Variants in MLF1 observed in about 807,000 individuals in gnomAD.
MLF1 encodes the protein myelodysplasia-myeloid leukemia factor 1.
A neutral mutation model predicts 38.3 loss-of-function variants in MLF1; 37 were observed. The observed-to-expected ratio is 0.96, with a 90% confidence interval of 0.74 to 1.27. MLF1 has a LOEUF of 1.27. Among genes scored for constraint, MLF1 ranks in the 50% most tolerant of loss-of-function variants. The pLI, the probability that MLF1 is intolerant of heterozygous loss-of-function variation, is 0.00. For synonymous variants in MLF1, 95 were observed against 106.5 expected (o/e 0.89, Z 0.66); for missense variants, 331 against 349.2 (o/e 0.95, Z 0.42).
intron 7 of MLF1, 49 bp from the exon 8 acceptor site, chr3:158,605,048 C>T: frequency 7.5e-7 from 1 of 1,325,186 alleles, no homozygotes; most frequent in Non-Finnish European, 1.1e-6. Flanking sequence ...ATTTATAAAC[C>T]ATTGGCCATT....
chr3:158,573,633 C>G (rs1248603056), intron 1 of MLF1, among the ~76,000 whole-genome samples: 2 of 152,036 alleles, frequency 1.3e-5, no homozygotes, highest in Non-Finnish European at 2.9e-5. Context: ...ATTTGTAATA[C>G]TTTTTAGCCT....
At chr3:158,597,015 C>A in intron 4 of MLF1, 70 bp downstream of exon 4, 1 of 1,012,968 alleles carries the variant, frequency 9.9e-7, no homozygotes, top group Non-Finnish European at 1.5e-6. Flanking sequence ...TAGTGGCTTT[C>A]AAACACTTTT....
In MLF1 at chr3:158,598,197, G is replaced by T; in HGVS notation, c.442G>T (p.Ala148Ser). The change falls in exon 5 of 8, where the codon GCT (alanine) becomes TCT (serine). Residue 148 changes from alanine (A) to serine (S), a missense_variant. Ala to Ser is a moderately conservative substitution (Grantham distance 99). Coordinates refer to ENST00000466246, the MANE Select transcript of MLF1 (RefSeq NM_001369783.1). ...TCAGGCCTCAACTCAAACTCGTCGA[G>T]CTCCAGGAGGAGTAAGTTTTCTATA... The part of the protein sequence containing the change: ...VFQASTQTRR[A>S]PGGIKETRKA... 2 of 1,612,656 alleles carry T rather than the reference G, an allele frequency of 1.2e-6. No homozygotes were observed. The highest frequency in any genetic ancestry group is 1.7e-6 in the Non-Finnish European group (2 of 1,179,598).
At chr3:158,573,377 G>T (rs1176903301) in intron 1 of MLF1, 1 of 133,014 alleles carries the variant, frequency 7.5e-6, no homozygotes, top group East Asian at 2.6e-4. Context: ...GCGGGGCGGG[G>T]GGAGGGGGGC....
chr3:158,571,324 T>C lies in MLF1; in HGVS notation c.24T>C (p.Ser8=). 4 of 1,612,464 alleles carry C rather than the reference T, an allele frequency of 2.5e-6. No individual in the cohort carries two copies. The highest frequency in any genetic ancestry group is 3.4e-6 in the Non-Finnish European group (4 of 1,179,546). The part of the protein sequence containing the change: MFRMLNS[S]FEDDPFFSES... ...GAATGTTCAGGATGCTGAACAGCAG[T>C]TTTGAGGATGACCCCTTCTTCTCGT... The change falls in exon 1 of 8, where the codon AGT becomes AGC. Residue 8 remains serine, a synonymous_variant. Coordinates refer to ENST00000466246, the MANE Select transcript of MLF1 (RefSeq NM_001369783.1).
intron 6 of MLF1, among the ~76,000 whole-genome samples, chr3:158,602,598 AC>A (rs1225197566): frequency 6.6e-6 from 1 of 152,210 alleles, no homozygotes; most frequent in Admixed American, 6.5e-5. Context: ...ATCATCAATA[AC>A]TAGATCATCA....
chr3:158,590,774 A>C, intron 1 of MLF1: 1 of 456,386 alleles, frequency 2.2e-6, no homozygotes. Context: ...TTGGAATGAT[A>C]GAAATGTTCT....
chr3:158,589,400 CG>C (rs1717794232), intron 1 of MLF1, among the ~76,000 whole-genome samples: 1 of 151,882 alleles, frequency 6.6e-6, no homozygotes, highest in South Asian at 2.1e-4. Context: ...TTAGTAGAAA[CG>C]GGGTTTCACC....
At chr3:158,582,898 A>G (rs967649033) in intron 1 of MLF1, 28 of 691,206 alleles carry the variant, frequency 4.1e-5, no homozygotes, top group Non-Finnish European at 6.6e-5. Context: ...GATGTACATT[A>G]AAAAAGCAAG....
intron 1 of MLF1, among the ~76,000 whole-genome samples, chr3:158,582,237 G>A (rs1716497624): frequency 6.6e-6 from 1 of 151,894 alleles, no homozygotes; most frequent in African/African-American, 2.4e-5. Context: ...ACTATGAACA[G>A]CTTAGGAGAG....
intron 2 of MLF1, among the ~76,000 whole-genome samples, chr3:158,592,915 T>C (rs889100968): frequency 1.3e-5 from 2 of 152,116 alleles, no homozygotes; most frequent in Non-Finnish European, 2.9e-5. Context: ...AAATATCCTT[T>C]CTCTCCCATA....
intron 1 of MLF1, chr3:158,591,066 G>T (rs984255731): frequency 2.0e-6 from 1 of 494,332 alleles, no homozygotes; most frequent in Non-Finnish European, 4.0e-6. Flanking sequence ...CAGAGGAAAA[G>T]CTCTTTCTAC....
intron 1 of MLF1, among the ~76,000 whole-genome samples, chr3:158,591,781 T>C (rs1005186607): frequency 6.6e-6 from 1 of 152,170 alleles, no homozygotes; most frequent in African/African-American, 2.4e-5. Context: ...ATGAGACTTG[T>C]GATGAAAGGG....
rs779550712 is a variant in MLF1 at position 158,592,478 on chromosome 3, G to T, written c.92G>T (p.Arg31Ile). Reference sequence around the variant, plus strand: ...CGAGAAAATATGCGACAGATGATAAGAAGTTTTTCTGAACCCTTTGGAAGA... The same window carrying T: ...CGAGAAAATATGCGACAGATGATAATAAGTTTTTCTGAACCCTTTGGAAGA... Reference protein sequence around the residue: ...AHRENMRQMIRSFSEPFGRDL... With the variant: ...AHRENMRQMIISFSEPFGRDL... The change falls in exon 2 of 8, where the codon AGA (arginine) becomes ATA (isoleucine). Residue 31 changes from arginine (R) to isoleucine (I), a missense_variant. Arg to Ile is a moderately conservative substitution (Grantham distance 97, BLOSUM62 -3). Transcript: ENST00000466246. 39 of 1,611,734 alleles carry T rather than the reference G, an allele frequency of 2.4e-5. 1 individual carries two copies. In the South Asian group the frequency reaches 4.2e-4, roughly 17 times the overall value.
rs1384617334 is a variant in MLF1 at position 158,605,429 on chromosome 3, C to G, written c.*227C>G. The G allele has an allele frequency of 2.9e-6, 1 of 345,854 alleles. No individual in the cohort carries two copies. The highest frequency in any genetic ancestry group is 4.1e-5 in the East Asian group (1 of 24,322). The allele number at this position is 345,854 out of a possible 1,614,324, so 21.4% of individuals were successfully genotyped here. A position where few individuals can be genotyped will look rare whatever the true frequency, so the allele number is the denominator to read the frequency against. On this transcript the variant is annotated 3_prime_UTR_variant, in exon 8 of 8. Coordinates refer to ENST00000466246, the MANE Select transcript of MLF1 (RefSeq NM_001369783.1). Reference sequence around the variant, plus strand: ...TAAATTGAGTCTATTTAATGTAAAACTCTTTAAAACATACTAATTTTTTAA... The same window carrying G: ...TAAATTGAGTCTATTTAATGTAAAAGTCTTTAAAACATACTAATTTTTTAA...
At chr3:158,573,388 G>A (rs1576634675) in intron 1 of MLF1, 2 of 123,952 alleles carry the variant, frequency 1.6e-5, no homozygotes, top group African/African-American at 6.0e-5. Flanking sequence ...GGAGGGGGGC[G>A]GGAGGAGGGC....
chr3:158,586,439 C>T (rs1717272978), intron 1 of MLF1, among the ~76,000 whole-genome samples: 1 of 151,858 alleles, frequency 6.6e-6, no homozygotes, highest in Non-Finnish European at 1.5e-5. Flanking sequence ...CCAAGCAAGC[C>T]ATGGTTTAAG....
intron 1 of MLF1, among the ~76,000 whole-genome samples, chr3:158,591,484 A>G (rs1223342955): frequency 3.9e-5 from 6 of 152,088 alleles, no homozygotes; most frequent in Non-Finnish European, 5.9e-5. Context: ...AAAACTTTCT[A>G]GCTTCTTTAT....
intron 1 of MLF1, among the ~76,000 whole-genome samples, chr3:158,586,075 A>T (rs909210258): frequency 3.5e-4 from 53 of 152,104 alleles, no homozygotes; most frequent in African/African-American, 1.2e-3. Context: ...GAGGCAGGAG[A>T]ATTGCTTGAA....
Sources: allele counts gnomAD v4.1 joint callset (sites outside exome capture counted in the v4.1 genomes callset), GRCh38; gene constraint gnomAD v4.1.1; transcripts MANE v1.5; gene names NCBI Gene and HGNC (gene_info 2026-07-23, HGNC 2026-07-21).